Variants in CDC42EP4 observed in about 807,000 individuals in gnomAD.
CDC42EP4 encodes CDC42 effector protein 4, also known as CDC42 effector protein (Rho GTPase binding) 4.
Under a neutral mutation model 5.6 loss-of-function variants are expected in CDC42EP4, and 6 were observed. That is an observed-to-expected ratio of 1.07 (90% CI 0.59 to 2.12). The LOEUF is 2.12. Ranked by LOEUF, CDC42EP4 falls within the 30% of genes most tolerant of loss-of-function variation. The pLI, the probability that CDC42EP4 is intolerant of heterozygous loss-of-function variation, is 0.00. For missense variants in CDC42EP4, 490 were observed against 508.6 expected (o/e 0.96, Z 0.35); for synonymous variants, 230 against 224.2 (o/e 1.03, Z -0.23).
intron 1 of CDC42EP4, among the ~76,000 whole-genome samples, chr17:73,297,464 ACT>A (rs779299494): frequency 1.3e-5 from 2 of 151,982 alleles, no homozygotes; most frequent in Admixed American, 6.6e-5. Context: ...ATAGAGTGAG[ACT>A]CTGTCTCAAA....
intron 1 of CDC42EP4, among the ~76,000 whole-genome samples, chr17:73,307,824 C>T (rs2062252559): frequency 6.7e-6 from 1 of 149,604 alleles, no homozygotes; most frequent in Non-Finnish European, 1.5e-5. Context: ...GTACAGCAAC[C>T]TCCACCTCTT....
At position 73,312,000 on chromosome 17, in the gene CDC42EP4, CT is replaced by C. The variant is rs1430069902; in HGVS notation, c.-221del. 2 of 152,300 alleles carry C rather than the reference CT, an allele frequency of 1.3e-5. No homozygotes were observed. The highest frequency in any genetic ancestry group is 2.4e-5 in the African/African-American group (1 of 41,446). The allele number at this position is 152,300 out of a possible 1,614,324, so 9.4% of individuals were successfully genotyped here. On this transcript the variant is annotated 5_prime_UTR_variant, in exon 1 of 2. Coordinates refer to ENST00000335793, the MANE Select transcript of CDC42EP4 (RefSeq NM_012121.5). ...TGTCAGCGCCGGCGTTTGTTTCCCT[CT>C]GGCTCTCGGGCTTTCAGGGCTGGGA...
Position 73,285,501 on chromosome 17 carries a change from CA to C in CDC42EP4, c.999del (p.Ala334LeufsTer48). On this transcript the variant is annotated frameshift_variant, in exon 2 of 2. Coordinates refer to ENST00000335793, the MANE Select transcript of CDC42EP4 (RefSeq NM_012121.5). LOFTEE classifies it high-confidence loss of function. This position sits in a 1 kb window ranked among gnomAD's most constrained non-coding sequence, Gnocchi z 6.8. ...TCCTTGTCTGGCTGTCTTGAGACAG[CA>C]GCCCGGGCCCTGTCCGGCCCCCGGA... Reference protein sequence around the residue: ...PAFRGPDRARAAVSRQPDKEF... With the variant: ...PAFRGPDRARXAVSRQPDKEF... 1 of 1,601,470 alleles carries C rather than the reference CA, an allele frequency of 6.2e-7. No individual in the cohort carries two copies. Among genetic ancestry groups the C allele is most frequent in the Admixed American group, 1.7e-5 (1 of 58,820 alleles).
intron 1 of CDC42EP4, among the ~76,000 whole-genome samples, chr17:73,299,989 T>C (rs1412443470): frequency 6.6e-6 from 1 of 152,092 alleles, no homozygotes; most frequent in Non-Finnish European, 1.5e-5. Context: ...GCCGGCATAG[T>C]CAGGAGTAGA....
At chr17:73,304,240 G>A (rs1449198959) in intron 1 of CDC42EP4, among the ~76,000 whole-genome samples, 1 of 150,934 alleles carries the variant, frequency 6.6e-6, no homozygotes, top group Non-Finnish European at 1.5e-5. Flanking sequence ...TGTGTTAGGT[G>A]ATTTATTTTG....
rs748638074 is a variant in CDC42EP4 at position 73,285,518 on chromosome 17, G to C, written c.983C>G (p.Pro328Arg). 3 of 1,609,818 alleles carry C rather than the reference G, an allele frequency of 1.9e-6. No homozygotes were observed. Among genetic ancestry groups the C allele is most frequent in the African/African-American group, 2.7e-5 (2 of 74,900 alleles). Residue 328 changes from proline to arginine, a missense_variant, in exon 2 of 2, where the codon CCG (proline) becomes CGG (arginine). Coordinates refer to ENST00000335793, the MANE Select transcript of CDC42EP4 (RefSeq NM_012121.5). This position sits in a 1 kb window ranked among gnomAD's most constrained non-coding sequence, Gnocchi z 6.8. ...TGAGACAGCAGCCCGGGCCCTGTCCGGCCCCCGGAAGGCAGGGCTGCGCTC... is the reference window on the plus strand; with the variant it reads ...TGAGACAGCAGCCCGGGCCCTGTCCCGCCCCCGGAAGGCAGGGCTGCGCTC... Reference protein sequence around the residue: ...LEERSPAFRGPDRARAAVSRQ... With the variant: ...LEERSPAFRGRDRARAAVSRQ...
At chr17:73,289,467 G>A (rs778727654) in intron 1 of CDC42EP4, among the ~76,000 whole-genome samples, 9 of 151,878 alleles carry the variant, frequency 5.9e-5, no homozygotes, top group African/African-American at 2.2e-4. Context: ...AAGGTGGTGC[G>A]TGCCCTGCCC....
rs547362762 is a variant in CDC42EP4 at position 73,297,001 on chromosome 17, A to AAAAAAAAAAAAAAAAAAAAAAAAAAAC, written c.-112-10390_-112-10389insGTTTTTTTTTTTTTTTTTTTTTTTTTT. Among the ~76,000 whole-genome samples the AAAAAAAAAAAAAAAAAAAAAAAAAAAC allele has an allele frequency of 3.2e-5, 2 of 61,734 alleles. 1 individual carries two copies. Among genetic ancestry groups the AAAAAAAAAAAAAAAAAAAAAAAAAAAC allele is most frequent in the Non-Finnish European group, 6.7e-5 (2 of 30,036 alleles). The allele number at this position is 61,734 out of a possible 152,430, so 40.5% of individuals were successfully genotyped here. A position where few individuals can be genotyped will look rare whatever the true frequency, so the allele number is the denominator to read the frequency against. ...GTCTCAAAAAAAAAAAAAAAAAAAAAAAATACACAAGGCCAAGCGCCGTGG... is the reference window on the plus strand; with the variant it reads ...GTCTCAAAAAAAAAAAAAAAAAAAAAAAAAAAAAAAAAAAAAAAAAAAAAAACAAATACACAAGGCCAAGCGCCGTGG... On this transcript the variant is annotated intron_variant, in intron 1 of 1. Transcript: ENST00000335793.
At position 73,297,309 on chromosome 17, in the gene CDC42EP4, A is replaced by C. The variant is rs113206938; in HGVS notation, c.-112-10697T>G. Among the ~76,000 whole-genome samples, 360 of 148,784 alleles carry C rather than the reference A, an allele frequency of 2.4e-3. 1 individual carries two copies. The highest frequency in any genetic ancestry group is 7.9e-3 in the African/African-American group (315 of 40,106). On this transcript the variant is annotated intron_variant, in intron 1 of 1. Transcript: ENST00000335793. ...GACTTCGTCTCCAAAAAAAAAAAAA[A>C]ACACACACACACAAATTAGCCAGGT...
At chr17:73,309,059 G>A (rs1459678740) in intron 1 of CDC42EP4, among the ~76,000 whole-genome samples, 41 of 13,230 alleles carry the variant, frequency 3.1e-3, no homozygotes, top group Non-Finnish European at 5.6e-3. Context: ...AAAAAAAAAA[G>A]GGTTGGCCAG....
intron 1 of CDC42EP4, among the ~76,000 whole-genome samples, chr17:73,287,215 G>A (rs1461444498): frequency 3.3e-5 from 5 of 152,150 alleles, no homozygotes; most frequent in Non-Finnish European, 5.9e-5. Flanking sequence ...ATCAGAACTG[G>A]GGTGGGGCTG....
chr17:73,310,052 G>A (rs1267896482), intron 1 of CDC42EP4: 1 of 152,228 alleles, frequency 6.6e-6, no homozygotes, highest in African/African-American at 2.4e-5. Context: ...AGCCTCAGGA[G>A]ATCCTGGTGG....
At chr17:73,288,121 C>T (rs1010142153) in intron 1 of CDC42EP4, among the ~76,000 whole-genome samples, 1 of 152,162 alleles carries the variant, frequency 6.6e-6, no homozygotes, top group Non-Finnish European at 1.5e-5. Context: ...ATCACTACTC[C>T]CAGGAAACCT....
At chr17:73,311,041 G>C (rs1165290457) in intron 1 of CDC42EP4, 1 of 152,134 alleles carries the variant, frequency 6.6e-6, no homozygotes, top group Admixed American at 6.5e-5. Flanking sequence ...ATCATTAACC[G>C]ACCGCTCCCG....
At chr17:73,309,582 A>G (rs2062263038) in intron 1 of CDC42EP4, among the ~76,000 whole-genome samples, 1 of 152,052 alleles carries the variant, frequency 6.6e-6, no homozygotes, top group Admixed American at 6.6e-5. Context: ...AAAGAGAGAA[A>G]CGAGGGGAAA....
At chr17:73,302,760 T>C (rs1324313740) in intron 1 of CDC42EP4, among the ~76,000 whole-genome samples, 1 of 152,178 alleles carries the variant, frequency 6.6e-6, no homozygotes, top group Non-Finnish European at 1.5e-5. Context: ...AATTGACAAT[T>C]GGCCGGGCGC....
chr17:73,295,911 A>AC (rs901804226), intron 1 of CDC42EP4, among the ~76,000 whole-genome samples: 5 of 147,544 alleles, frequency 3.4e-5, no homozygotes, highest in Admixed American at 6.7e-5. Flanking sequence ...ATCTCCAAAA[A>AC]AAAAAAAAAA....
chr17:73,301,416 A>G (rs373726830), intron 1 of CDC42EP4, among the ~76,000 whole-genome samples: 5 of 152,380 alleles, frequency 3.3e-5, no homozygotes, highest in African/African-American at 1.2e-4. Context: ...ACATGTTAAC[A>G]ATTTATGCTA....
chr17:73,294,994 T>C (rs2062177791), intron 1 of CDC42EP4, among the ~76,000 whole-genome samples: 1 of 151,396 alleles, frequency 6.6e-6, no homozygotes. Context: ...TTTTTTTTAG[T>C]AGAGACGGGG....
Sources: allele counts gnomAD v4.1 joint callset (sites outside exome capture counted in the v4.1 genomes callset), GRCh38; gene constraint gnomAD v4.1.1; non-coding constraint Gnocchi (gnomAD v3.1); transcripts MANE v1.5; gene names NCBI Gene and HGNC (gene_info 2026-07-23, HGNC 2026-07-21).